The following NCL variants were observed in gnomAD, a reference collection of about 807,000 sequenced individuals.
NCL encodes nucleolin multifunctional protein.
In NCL, 4 loss-of-function variants were observed where a neutral mutation model predicts 77.7. The ratio of observed to expected loss-of-function variants is 0.05; its 90% CI spans 0.03 to 0.12. NCL has a LOEUF of 0.12. Ranked by LOEUF, NCL falls within the 10% of genes least tolerant of loss-of-function variation. The pLI is 1.00. For missense variants in NCL, 763 were observed against 860.9 expected (o/e 0.89, Z 1.42); for synonymous variants, 344 against 297.8 (o/e 1.16, Z -1.60).
At chr2:231,462,923 A>C (rs2046965871) in intron 2 of NCL, 1 of 386,546 alleles carries the variant, frequency 2.6e-6, no homozygotes, top group Non-Finnish European at 4.7e-6. Context: ...TAACATGTTG[A>C]AACTGGAAAA....
At chr2:231,459,551 G>A (rs905630701) in intron 6 of NCL, among the ~76,000 whole-genome samples, 32 of 151,696 alleles carry the variant, frequency 2.1e-4, no homozygotes, top group African/African-American at 7.0e-4. Context: ...GTACAGTGGC[G>A]CGAACTTGGC....
At chr2:231,458,181 G>A (rs1559540969) in intron 8 of NCL, 85 bp downstream of exon 8, 49 of 1,539,428 alleles carry the variant, frequency 3.2e-5, no homozygotes, top group South Asian at 1.4e-4. Flanking sequence ...ACACGCCTAA[G>A]GAAATCAAAC....
At chr2:231,462,198 A>C (rs1217943871) in intron 2 of NCL, 181 bp from the exon 3 acceptor site, 1 of 817,234 alleles carries the variant, frequency 1.2e-6, no homozygotes, top group African/African-American at 1.7e-5. Flanking sequence ...CCCCTATCAT[A>C]AGGTGAATAC....
chr2:231,457,133 A>T lies in NCL; in HGVS notation c.1448-9T>A. On this transcript the variant is annotated splice_polypyrimidine_tract_variant and intron_variant, in intron 9 of 13. Transcript: ENST00000322723. ...CAGAGTTTTTGATTCACCTGCAAAT[A>T]GAGATGCCACATTCCTAAGACTCTG... is the stretch of plus-strand genomic sequence containing the variant. 6.2e-7 allele frequency: 1 copy of T among 1,613,606 alleles called. No individual in the cohort carries two copies.
chr2:231,454,993 T>TAA lies in NCL; in HGVS notation c.*196_*197dup, dbSNP rs1460450599. The TAA allele has an allele frequency of 5.3e-6, 3 of 570,586 alleles. No individual in the cohort carries two copies. Among genetic ancestry groups the TAA allele is most frequent in the Non-Finnish European group, 6.2e-6 (2 of 324,186 alleles). 35.3% of individuals were successfully genotyped at this position (570,586 alleles called of 1,614,324 possible). Reference sequence around the variant, plus strand: ...GGGTTAGCTCTATCACTCAACTCTTTAAAAAGTTTATATGAATATCCAGTC... The same window carrying TAA: ...GGGTTAGCTCTATCACTCAACTCTTTAAAAAAAGTTTATATGAATATCCAGTC... On this transcript the variant is annotated 3_prime_UTR_variant, in exon 14 of 14. Transcript: ENST00000322723.
chr2:231,458,724 G>C (rs1472148336), intron 7 of NCL: 1 of 424,332 alleles, frequency 2.4e-6, no homozygotes. Flanking sequence ...AGTGAAGAAA[G>C]ATCCCTTTAC....
Position 231,456,030 on chromosome 2 carries a change from C to T in NCL, c.1812G>A (p.Arg604=). The T allele has an allele frequency of 6.2e-7, 1 of 1,614,200 alleles. No individual in the cohort carries two copies. Among genetic ancestry groups the T allele is most frequent in the Non-Finnish European group, 8.5e-7 (1 of 1,180,040 alleles). Reference sequence around the variant, plus strand: ...CTTACCCTTTGGAGGACCCAGTTTCCCGGTCAGTAACTATCCTTGCCCGAA... The same window carrying T: ...CTTACCCTTTGGAGGACCCAGTTTCTCGGTCAGTAACTATCCTTGCCCGAA... The part of the protein sequence containing the change: ...GSVRARIVTD[R]ETGSSKGFGF... The change falls in exon 12 of 14, where the codon CGG becomes CGA. Residue 604 remains arginine (R), a synonymous_variant. Coordinates refer to ENST00000322723, the MANE Select transcript of NCL (RefSeq NM_005381.3).
In NCL at chr2:231,456,130, G is replaced by C; in HGVS notation, c.1712C>G (p.Ser571Cys). ...CAGGCCTTTGACAAACAGAGTTTTG[G>C]ATGGCTCTGGGAAGGAAAAAAAAAT... ...RGSPNARSQPSKTLFVKGLSE... is the reference protein window; with the variant it reads ...RGSPNARSQPCKTLFVKGLSE... The change falls in exon 12 of 14, where the codon TCC (serine) becomes TGC (cysteine). Residue 571 changes from serine (S) to cysteine (C), a missense_variant. Coordinates refer to ENST00000322723, the MANE Select transcript of NCL (RefSeq NM_005381.3). 6.2e-7 allele frequency: 1 copy of C among 1,606,962 alleles called. No homozygotes were observed.
Position 231,460,730 on chromosome 2 carries a change from GTC to G in NCL, c.748_749del (p.Asp250ArgfsTer3). 1.9e-6 allele frequency: 3 copies of G among 1,595,280 alleles called. No individual in the cohort carries two copies. Among genetic ancestry groups the G allele is most frequent in the Non-Finnish European group, 2.6e-6 (3 of 1,165,368 alleles). On this transcript the variant is annotated frameshift_variant, in exon 4 of 14. Coordinates refer to ENST00000322723, the MANE Select transcript of NCL (RefSeq NM_005381.3). LOFTEE classifies it high-confidence loss of function. The part of the protein sequence containing the change: ...EDDEDEDDDD[D>X]EDDEDDDDED... ...CATCATCATCATCTTCATCATCTTCGTCGTCGTCGTCATCCTCGTCCTCATCA... is the reference window on the plus strand; with the variant it reads ...CATCATCATCATCTTCATCATCTTCGGTCGTCGTCATCCTCGTCCTCATCA...
At chr2:231,457,523 G>A (rs1391697569) in intron 9 of NCL, 120 bp downstream of exon 9, 1 of 1,043,718 alleles carries the variant, frequency 9.6e-7, no homozygotes, top group Non-Finnish European at 1.4e-6. Context: ...TCATGTCCTT[G>A]ATCTTCACCT....
At chr2:231,460,634 A>T in intron 4 of NCL, 35 bp downstream of exon 4, 2 of 1,614,072 alleles carry the variant, frequency 1.2e-6, no homozygotes, top group Non-Finnish European at 1.7e-6. Flanking sequence ...CTTTAAACAT[A>T]ACTCATGTCG....
At chr2:231,457,228 T>C (rs2046899553) in intron 9 of NCL, 104 bp from the exon 10 acceptor site, 3 of 1,482,208 alleles carry the variant, frequency 2.0e-6, no homozygotes, top group Non-Finnish European at 1.9e-6. Context: ...CTTGAGTTAA[T>C]ATACAAATAC....
At chr2:231,456,157 T>C in intron 11 of NCL, 21 bp from the exon 12 acceptor site, 1 of 1,606,920 alleles carries the variant, frequency 6.2e-7, no homozygotes, top group Non-Finnish European at 8.5e-7. Context: ...AAAAAAAATG[T>C]GACTTTATGT....
At chr2:231,458,733 A>C (rs1462163547) in intron 7 of NCL, 2 of 428,102 alleles carry the variant, frequency 4.7e-6, no homozygotes, top group Admixed American at 8.2e-5. Context: ...AGATCCCTTT[A>C]CGTTAATTTA....
rs1331261445 is a variant in NCL, at chr2:231,454,494, C to A, written c.*697G>T. 2.0e-5 allele frequency: 3 copies of A among 152,352 alleles called. No homozygotes were observed. The highest frequency in any genetic ancestry group is 7.2e-5 in the African/African-American group (3 of 41,460). 9.4% of individuals were successfully genotyped at this position (152,352 alleles called of 1,614,324 possible). Reference sequence around the variant, plus strand: ...ACCTGACTAATCTGTTCCTGCACCTCTTTCCAGAGTGGTCTTCAGGACATA... The same window carrying A: ...ACCTGACTAATCTGTTCCTGCACCTATTTCCAGAGTGGTCTTCAGGACATA... On this transcript the variant is annotated 3_prime_UTR_variant, in exon 14 of 14. Coordinates refer to ENST00000322723, the MANE Select transcript of NCL (RefSeq NM_005381.3).
At chr2:231,459,864 G>A (rs984443453) in intron 6 of NCL, among the ~76,000 whole-genome samples, 8 of 151,596 alleles carry the variant, frequency 5.3e-5, no homozygotes, top group South Asian at 2.1e-4. Context: ...CCAAGATTGC[G>A]CCACTGTACT....
chr2:231,457,016 T>C lies in NCL; in HGVS notation c.1556A>G (p.Asn519Ser), dbSNP rs201832369. Residue 519 changes from asparagine to serine, a missense_variant, in exon 10 of 14, where the codon AAT (asparagine) becomes AGT (serine). Transcript: ENST00000322723. The stretch of plus-strand genomic sequence containing the variant: ...ATTATCTTACCCTTTAGATTTGCCA[T>C]TTTGGTTCTGGGGTACTTTGATAAA... Reference protein sequence around the residue: ...ATFIKVPQNQNGKSKGYAFIE... With the variant: ...ATFIKVPQNQSGKSKGYAFIE... 2 of 1,613,938 alleles carry C rather than the reference T, an allele frequency of 1.2e-6. No individual in the cohort carries two copies. The highest frequency in any genetic ancestry group is 2.2e-5 in the East Asian group (1 of 44,888).
chr2:231,457,417 G>T, intron 9 of NCL: 1 of 752,438 alleles, frequency 1.3e-6, no homozygotes, highest in Non-Finnish European at 2.4e-6. Flanking sequence ...TACAAAGGAA[G>T]CTTGATTTGC....
At position 231,457,671 on chromosome 2, in the gene NCL, A is replaced by G. The variant is rs1467100016; in HGVS notation, c.1419T>C (p.Tyr473=). ...TCCAAGTGCTATTCTTTCCACCTCT[A>G]TAGTCTTGATTTTGACCTTTCTCTC... ...YTGEKGQNQD[Y]RGGKNSTWSG... Residue 473 remains tyrosine (Y), a synonymous_variant, in exon 9 of 14, where the codon TAT becomes TAC. Coordinates refer to ENST00000322723, the MANE Select transcript of NCL (RefSeq NM_005381.3). 7 of 1,610,592 alleles carry G rather than the reference A, an allele frequency of 4.3e-6. No individual in the cohort carries two copies. The South Asian group carries it at 6.6e-5, about 15-fold the overall frequency.
Sources: allele counts gnomAD v4.1 joint callset (sites outside exome capture counted in the v4.1 genomes callset), GRCh38; gene constraint gnomAD v4.1.1; transcripts MANE v1.5; gene names NCBI Gene and HGNC (gene_info 2026-07-23, HGNC 2026-07-21).